Variants in PAX5 observed in about 807,000 individuals in gnomAD.
The protein encoded by PAX5 is paired box 5, also known as paired box protein Pax-5.
Under a neutral mutation model 43.7 loss-of-function variants are expected in PAX5, and 9 were observed. The ratio of observed to expected loss-of-function variants is 0.21; its 90% CI spans 0.12 to 0.36. PAX5 has a LOEUF of 0.36. Among genes scored for constraint, PAX5 ranks in the 10% least tolerant of loss-of-function variants. The pLI is 1.00. For missense variants in PAX5, 383 were observed against 532.7 expected (o/e 0.72, Z 2.77); for synonymous variants, 228 against 214.3 (o/e 1.06, Z -0.56).
intron 6 of PAX5, among the ~76,000 whole-genome samples, chr9:36,962,869 C>T (rs1373168445): frequency 6.6e-6 from 1 of 152,228 alleles, no homozygotes; most frequent in Non-Finnish European, 1.5e-5. Flanking sequence ...CCGCGGCCAG[C>T]ACCTCAGGCC....
At chr9:36,976,500 C>T (rs1436954311) in intron 5 of PAX5, among the ~76,000 whole-genome samples, 2 of 152,172 alleles carry the variant, frequency 1.3e-5, no homozygotes, top group African/African-American at 4.8e-5. Flanking sequence ...TACTATGAGC[C>T]AGGCCCCATG....
At chr9:36,989,858 C>A (rs907827667) in intron 5 of PAX5, among the ~76,000 whole-genome samples, 6 of 152,190 alleles carry the variant, frequency 3.9e-5, no homozygotes, top group Non-Finnish European at 7.3e-5. Flanking sequence ...TGTTGTGAAC[C>A]AGGCCCTGTG....
chr9:36,909,301 C>T (rs1829060984), intron 7 of PAX5, among the ~76,000 whole-genome samples: 1 of 152,208 alleles, frequency 6.6e-6, no homozygotes, highest in Non-Finnish European at 1.5e-5. Flanking sequence ...CTGCAAAGGG[C>T]CCACAACATT....
chr9:36,840,187 G>A lies in PAX5; in HGVS notation c.*373C>T. The A allele has an allele frequency of 2.3e-6, 1 of 442,974 alleles. No individual in the cohort carries two copies. Among genetic ancestry groups the A allele is most frequent in the East Asian group, 4.1e-5 (1 of 24,320 alleles). 27.4% of individuals were successfully genotyped at this position (442,974 alleles called of 1,614,324 possible). ...AGAAGGTATTTACATGGGTGCTGCTGAAGCAACAAAAGCAAGCTCTCCTTC... is the reference window on the plus strand; with the variant it reads ...AGAAGGTATTTACATGGGTGCTGCTAAAGCAACAAAAGCAAGCTCTCCTTC... On this transcript the variant is annotated 3_prime_UTR_variant, in exon 10 of 10. Transcript: ENST00000358127.
At chr9:36,842,874 G>A (rs1822194246) in intron 9 of PAX5, among the ~76,000 whole-genome samples, 1 of 152,168 alleles carries the variant, frequency 6.6e-6, no homozygotes, top group Non-Finnish European at 1.5e-5. Context: ...AAGTGCCCCA[G>A]TCCTTCTGCT....
intron 5 of PAX5, among the ~76,000 whole-genome samples, chr9:36,976,333 G>A (rs1242112927): frequency 6.6e-6 from 1 of 152,178 alleles, no homozygotes; most frequent in Admixed American, 6.5e-5. Context: ...GGTGCTGTTT[G>A]GGGTGCTTAG....
intron 6 of PAX5, among the ~76,000 whole-genome samples, chr9:36,961,061 GA>G (rs947744600): frequency 4.6e-5 from 7 of 152,090 alleles, no homozygotes; most frequent in African/African-American, 1.7e-4. Flanking sequence ...GCTCTCTGAA[GA>G]AAAAAACCAC....
intron 5 of PAX5, among the ~76,000 whole-genome samples, chr9:36,967,066 C>T (rs1320473): frequency 0.56 from 85,646 of 152,090 alleles, 26,004 homozygotes; most frequent in East Asian, 0.78. Flanking sequence ...CCTGAGGATT[C>T]GAGCTTGGGC....
At chr9:36,881,138 T>C (rs1016007221) in intron 8 of PAX5, among the ~76,000 whole-genome samples, 35 of 152,244 alleles carry the variant, frequency 2.3e-4, no homozygotes, top group African/African-American at 7.0e-4. Context: ...ATTTGATCAT[T>C]CCACAATGCA....
At chr9:37,033,357 T>C (rs145160017) in intron 1 of PAX5, among the ~76,000 whole-genome samples, 112 of 152,326 alleles carry the variant, frequency 7.4e-4, no homozygotes, top group African/African-American at 2.5e-3. Flanking sequence ...CATTGGCGTG[T>C]ATGCATCGGA....
intron 7 of PAX5, among the ~76,000 whole-genome samples, chr9:36,909,838 T>C (rs1452003341): frequency 6.7e-6 from 1 of 148,670 alleles, no homozygotes; most frequent in Non-Finnish European, 1.5e-5. Flanking sequence ...TTTTTTTTTT[T>C]AGATATAGGG....
chr9:36,958,870 C>T (rs1833719897), intron 6 of PAX5, among the ~76,000 whole-genome samples: 1 of 152,230 alleles, frequency 6.6e-6, no homozygotes, highest in Non-Finnish European at 1.5e-5. Context: ...GGACCTGGCC[C>T]TGAACTCCTG....
chr9:36,923,116 T>C, intron 7 of PAX5: 1 of 442,478 alleles, frequency 2.3e-6, no homozygotes, highest in South Asian at 5.2e-5. Flanking sequence ...CCAAGTCCCC[T>C]CCAGCCCACA....
chr9:36,942,064 T>C (rs939827362), intron 6 of PAX5, among the ~76,000 whole-genome samples: 3 of 152,260 alleles, frequency 2.0e-5, no homozygotes, highest in East Asian at 1.9e-4. Flanking sequence ...ACCCTGGCAG[T>C]GTGCCCAGGC....
chr9:36,939,137 G>A (rs1351741972), intron 6 of PAX5, among the ~76,000 whole-genome samples: 1 of 152,218 alleles, frequency 6.6e-6, no homozygotes, highest in Non-Finnish European at 1.5e-5. Context: ...ACCAGAAAGG[G>A]CCAACTTTTT....
chr9:37,001,344 A>T (rs547326677), intron 5 of PAX5, among the ~76,000 whole-genome samples: 15 of 152,290 alleles, frequency 9.8e-5, no homozygotes, highest in African/African-American at 3.6e-4. Context: ...AAATACATCC[A>T]GGCCCCAGCT....
At chr9:36,855,864 A>G (rs894932183) in intron 8 of PAX5, among the ~76,000 whole-genome samples, 6 of 151,956 alleles carry the variant, frequency 3.9e-5, no homozygotes, top group African/African-American at 9.7e-5. Context: ...CCTCATGTCC[A>G]ATTCTCCTAT....
intron 9 of PAX5, among the ~76,000 whole-genome samples, chr9:36,842,521 T>C (rs1822158030): frequency 6.6e-6 from 1 of 152,214 alleles, no homozygotes; most frequent in Admixed American, 6.5e-5. Context: ...CGGGCCTCCG[T>C]GTGAAAGCTT....
rs569854878 is a variant in PAX5 at position 36,983,616 on chromosome 9, A to AT, written c.605-16893dup. Among the ~76,000 whole-genome samples, 199 of 152,020 alleles carry AT rather than the reference A, an allele frequency of 1.3e-3. 1 individual carries two copies. The highest frequency in any genetic ancestry group is 4.6e-3 in the African/African-American group (190 of 41,488). ...AAAGAGGAAACATTGGATTGATATG[A>AT]TTTTTTTTCACCACATTCAGCTAAT... is the stretch of plus-strand genomic sequence containing the variant. On this transcript the variant is annotated intron_variant, in intron 5 of 9. Transcript: ENST00000358127.
Sources: allele counts gnomAD v4.1 joint callset (sites outside exome capture counted in the v4.1 genomes callset), GRCh38; gene constraint gnomAD v4.1.1; transcripts MANE v1.5; gene names NCBI Gene and HGNC (gene_info 2026-07-23, HGNC 2026-07-21).